PIEZO2: variants seen among roughly 807,000 people sequenced by gnomAD.
The protein encoded by PIEZO2 is piezo type mechanosensitive ion channel component 2.
Under a neutral mutation model 337.3 loss-of-function variants are expected in PIEZO2, and 172 were observed. The observed-to-expected ratio is 0.51, with a 90% CI of 0.45 to 0.58. The LOEUF (loss-of-function observed/expected upper bound fraction) is 0.58, where lower values mean the gene tolerates loss of function less well. Ranked by LOEUF, PIEZO2 falls within the 20% of genes least tolerant of loss-of-function variation. PIEZO2 has a pLI of 0.00. For synonymous variants in PIEZO2, 1,251 were observed against 1,228.5 expected, an observed-to-expected ratio of 1.02 and a Z score of -0.38; for missense variants, 3,028 against 3,391.3, an observed-to-expected ratio of 0.89 and a Z score of 2.66.
intron 2 of PIEZO2, among the ~76,000 whole-genome samples, chr18:11,000,981 T>G (rs1409087786): frequency 5.3e-5 from 8 of 152,166 alleles, no homozygotes; most frequent in Non-Finnish European, 8.8e-5. Flanking sequence ...AAACATGGGC[T>G]GTCCCCAGAC....
At chr18:10,715,138 G>A (rs1411907921) in intron 38 of PIEZO2, among the ~76,000 whole-genome samples, 1 of 152,156 alleles carries the variant, frequency 6.6e-6, no homozygotes, top group African/African-American at 2.4e-5. Context: ...CTTCTTATAG[G>A]TAGATAATTT....
chr18:11,037,012 T>C (rs1403115577), intron 2 of PIEZO2, among the ~76,000 whole-genome samples: 2 of 152,074 alleles, frequency 1.3e-5, no homozygotes. Flanking sequence ...GTCGCCCAGG[T>C]TGGAGTGCAA....
At chr18:10,698,154 AG>A (rs917023817) in intron 44 of PIEZO2, among the ~76,000 whole-genome samples, 1 of 152,256 alleles carries the variant, frequency 6.6e-6, no homozygotes, top group Non-Finnish European at 1.5e-5. Flanking sequence ...TGTGCTAACT[AG>A]GGTACTAGGA....
rs151236333 is a variant in PIEZO2 at position 11,092,177 on chromosome 18, C to T, written c.65-25955G>A. On this transcript the variant is annotated intron_variant, in intron 1 of 55. Coordinates refer to ENST00000674853, the MANE Select transcript of PIEZO2 (RefSeq NM_001378183.1). This position sits in a 1 kb window ranked among gnomAD's most constrained non-coding sequence, Gnocchi z 4.5. ...AGATTAATGGAGCATAATTCTCGTC[C>T]AAGATCGAGAACACATCATTAGAAG... Among the ~76,000 whole-genome samples, 401 of 152,212 alleles carry T rather than the reference C, an allele frequency of 2.6e-3. No individual in the cohort carries two copies. Among genetic ancestry groups the T allele is most frequent in the South Asian group, 7.9e-3 (38 of 4,808 alleles).
At chr18:10,825,770 C>T (rs1038428918) in intron 7 of PIEZO2, among the ~76,000 whole-genome samples, 4 of 151,688 alleles carry the variant, frequency 2.6e-5, no homozygotes, top group African/African-American at 7.3e-5. Flanking sequence ...AGGCTAGTCT[C>T]GAACTCCCGA....
chr18:10,757,902 T>C (rs1158905382), intron 27 of PIEZO2, 67 bp downstream of exon 27: 3 of 1,387,186 alleles, frequency 2.2e-6, no homozygotes, highest in African/African-American at 2.9e-5. Flanking sequence ...AGAGAAAGTA[T>C]AGAGGAGCAA....
At chr18:10,880,672 T>C (rs1484754632) in intron 4 of PIEZO2, among the ~76,000 whole-genome samples, 2 of 151,752 alleles carry the variant, frequency 1.3e-5, no homozygotes, top group African/African-American at 4.8e-5. Flanking sequence ...CCTAGTGGCT[T>C]CTGAAGTTCA....
rs763440445 is a variant in PIEZO2 at position 10,682,622 on chromosome 18, C to T, written c.7498-330G>A. Reference sequence around the variant, plus strand: ...TGGACCAAGGGATCAAGTATCCGGCCGAATGAACCTTCTGGTTTTAAGGGA... The same window carrying T: ...TGGACCAAGGGATCAAGTATCCGGCTGAATGAACCTTCTGGTTTTAAGGGA... On this transcript the variant is annotated intron_variant, in intron 49 of 55. Transcript: ENST00000674853. The surrounding 1 kb of genome is among the most constrained non-coding windows in gnomAD (Gnocchi z 5.6). Among the ~76,000 whole-genome samples the T allele has an allele frequency of 9.9e-5, 15 of 152,052 alleles. No individual in the cohort carries two copies. The highest frequency in any genetic ancestry group is 5.2e-4 in the Admixed American group (8 of 15,262).
rs1057269620 is a variant in PIEZO2, at chr18:10,824,823, C to G, written c.918-17549G>C. Reference sequence around the variant, plus strand: ...CTGAGACATGATTTTAAACTAAAGTCCATATTTTATTGAAATCTTCTTAGT... The same window carrying G: ...CTGAGACATGATTTTAAACTAAAGTGCATATTTTATTGAAATCTTCTTAGT... On this transcript the variant is annotated intron_variant, in intron 7 of 55. Coordinates refer to ENST00000674853, the MANE Select transcript of PIEZO2 (RefSeq NM_001378183.1). This position sits in a 1 kb window ranked among gnomAD's most constrained non-coding sequence, Gnocchi z 4.4. Among the ~76,000 whole-genome samples the G allele has an allele frequency of 5.3e-5, 8 of 152,076 alleles. No homozygotes were observed. The highest frequency in any genetic ancestry group is 1.7e-4 in the African/African-American group (7 of 41,404).
intron 27 of PIEZO2, among the ~76,000 whole-genome samples, chr18:10,753,183 C>A (rs1205390867): frequency 6.6e-6 from 1 of 152,204 alleles, no homozygotes. Flanking sequence ...CTATGGGAGG[C>A]ATGAATAATT....
chr18:11,147,053 A>C (rs948156609), intron 1 of PIEZO2, among the ~76,000 whole-genome samples: 3 of 152,218 alleles, frequency 2.0e-5, no homozygotes, highest in African/African-American at 7.2e-5. Context: ...CACAGTGCCA[A>C]GCGCTTAGGA....
At chr18:10,734,511 G>A (rs917007080) in intron 35 of PIEZO2, among the ~76,000 whole-genome samples, 1 of 152,242 alleles carries the variant, frequency 6.6e-6, no homozygotes, top group Non-Finnish European at 1.5e-5. Context: ...ACAGAGCAAA[G>A]CATTTTAGTG....
chr18:10,995,842 T>C (rs1568277724), intron 2 of PIEZO2, among the ~76,000 whole-genome samples: 1 of 152,126 alleles, frequency 6.6e-6, no homozygotes. Context: ...GTTATTTTTG[T>C]TGACTTGAAA....
chr18:10,702,544 A>G (rs1249154053), intron 42 of PIEZO2, among the ~76,000 whole-genome samples: 1 of 152,124 alleles, frequency 6.6e-6, no homozygotes, highest in African/African-American at 2.4e-5. Context: ...AACAGAACAT[A>G]CTCGTATCTT....
At position 11,127,276 on chromosome 18, in the gene PIEZO2, A is replaced by C. The variant is rs1372921537; in HGVS notation, c.64+21249T>G. ...GCTCATCAGAGCACACAGCCACTGC[A>C]AAGAACTTAAAGCAAAAATAGTTGC... On this transcript the variant is annotated intron_variant, in intron 1 of 55. Coordinates refer to ENST00000674853, the MANE Select transcript of PIEZO2 (RefSeq NM_001378183.1). The surrounding 1 kb of genome is among the most constrained non-coding windows in gnomAD (Gnocchi z 4.5). Among the ~76,000 whole-genome samples, 1 of 152,204 alleles carries C rather than the reference A, an allele frequency of 6.6e-6. No homozygotes were observed. The highest frequency in any genetic ancestry group is 1.5e-5 in the Non-Finnish European group (1 of 68,048).
chr18:11,118,828 A>G (rs1335262446), intron 1 of PIEZO2, among the ~76,000 whole-genome samples: 2 of 152,180 alleles, frequency 1.3e-5, no homozygotes, highest in African/African-American at 4.8e-5. Flanking sequence ...GTACAAGTAA[A>G]TATCTTAGAT....
chr18:10,817,397 A>C (rs16975417), intron 7 of PIEZO2, among the ~76,000 whole-genome samples: 3,019 of 152,320 alleles, frequency 0.02, 89 homozygotes, highest in African/African-American at 0.068. Flanking sequence ...ATATAAGGCC[A>C]ATGAAATTAT....
chr18:11,114,413 C>G (rs1260603794), intron 1 of PIEZO2, among the ~76,000 whole-genome samples: 1 of 152,198 alleles, frequency 6.6e-6, no homozygotes. Flanking sequence ...CGCCTGTAAT[C>G]CCAGCACTTT....
intron 4 of PIEZO2, among the ~76,000 whole-genome samples, chr18:10,906,578 T>G (rs75430480): frequency 2.0e-5 from 3 of 152,026 alleles, no homozygotes; most frequent in African/African-American, 4.8e-5. Context: ...TTTTTTTTTT[T>G]GAGACAGAGT....
Sources: allele counts gnomAD v4.1 joint callset (sites outside exome capture counted in the v4.1 genomes callset), GRCh38; gene constraint gnomAD v4.1.1; non-coding constraint Gnocchi (gnomAD v3.1); transcripts MANE v1.5; gene names NCBI Gene and HGNC (gene_info 2026-07-23, HGNC 2026-07-21).